The following GRIN2B variants were observed in gnomAD, a reference collection of about 807,000 sequenced individuals.
GRIN2B encodes glutamate ionotropic receptor NMDA type subunit 2B.
In GRIN2B, 5 loss-of-function variants were observed where a neutral mutation model predicts 114.5. That is an observed-to-expected ratio of 0.04 (90% CI 0.02 to 0.09). GRIN2B has a LOEUF of 0.09. Ranked by LOEUF, GRIN2B falls within the 10% of genes least tolerant of loss-of-function variation. The probability of loss-of-function intolerance (pLI) is 1.00; values close to 1 mark genes in which losing one functional copy is unlikely to be tolerated. For synonymous variants in GRIN2B, 787 were observed against 745.1 expected, an observed-to-expected ratio of 1.06 and a Z score of -0.92; for missense variants, 1,108 against 1,943.5, an observed-to-expected ratio of 0.57 and a Z score of 8.08.
At chr12:13,802,039 G>C (rs1428328413) in intron 3 of GRIN2B, among the ~76,000 whole-genome samples, 1 of 151,986 alleles carries the variant, frequency 6.6e-6, no homozygotes, top group Non-Finnish European at 1.5e-5. Context: ...TTCCGTGCTT[G>C]GGTGCTCAAG....
intron 3 of GRIN2B, among the ~76,000 whole-genome samples, chr12:13,829,969 G>C (rs1865117593): frequency 6.6e-6 from 1 of 152,186 alleles, no homozygotes; most frequent in African/African-American, 2.4e-5. Context: ...GTAGGGGTAG[G>C]AGGGGCTGGG....
chr12:13,860,809 C>T (rs1865740242), intron 3 of GRIN2B, among the ~76,000 whole-genome samples: 1 of 152,146 alleles, frequency 6.6e-6, no homozygotes, highest in African/African-American at 2.4e-5. Context: ...CTTTTCTTCC[C>T]CATTCTTGGA....
chr12:13,624,069 C>G (rs1949545524), intron 5 of GRIN2B, among the ~76,000 whole-genome samples: 1 of 152,164 alleles, frequency 6.6e-6, no homozygotes, highest in Non-Finnish European at 1.5e-5. Flanking sequence ...CCCTGATCAC[C>G]CCAGCCCAGA....
chr12:13,764,155 A>G (rs1250127683), intron 3 of GRIN2B, among the ~76,000 whole-genome samples: 3 of 151,506 alleles, frequency 2.0e-5, no homozygotes. Flanking sequence ...AGTCCTAGAA[A>G]AGAGCCTATC....
At chr12:13,937,549 A>T (rs970176919) in intron 2 of GRIN2B, among the ~76,000 whole-genome samples, 6 of 152,140 alleles carry the variant, frequency 3.9e-5, no homozygotes, top group Non-Finnish European at 7.4e-5. Context: ...ATTCTCCAAT[A>T]ATGAGAGAAA....
chr12:13,615,083 AT>A lies in GRIN2B; in HGVS notation c.1654+30del. 6.3e-7 allele frequency: 1 copy of A among 1,592,598 alleles called. No individual in the cohort carries two copies. Among genetic ancestry groups the A allele is most frequent in the Non-Finnish European group, 8.6e-7 (1 of 1,160,440 alleles). On this transcript the variant is annotated intron_variant, in intron 8 of 13. Transcript: ENST00000609686. The surrounding 1 kb of genome is among the most constrained non-coding windows in gnomAD (Gnocchi z 5.8). ...ATTTCACTTCCCCATCCATACGTCC[AT>A]TTCCTTCCACCAGCAAACCCATCAT...
In GRIN2B at chr12:13,736,275, T is replaced by TCTGGG. The variant is rs1863183156; in HGVS notation, c.1010+17037_1010+17041dup. Among the ~76,000 whole-genome samples the TCTGGG allele has an allele frequency of 2.6e-5, 4 of 152,048 alleles. No individual in the cohort carries two copies. In the South Asian group the frequency reaches 8.3e-4, roughly 32 times the overall value. On this transcript the variant is annotated intron_variant, in intron 4 of 13. Transcript: ENST00000609686. ...TATGGCAGCCAGTGCAGTCAGGCACTCTGGGCAGATTAACTATGGTGCCTC... is the reference window on the plus strand; with the variant it reads ...TATGGCAGCCAGTGCAGTCAGGCACTCTGGGCTGGGCAGATTAACTATGGTGCCTC...
intron 5 of GRIN2B, among the ~76,000 whole-genome samples, chr12:13,642,223 A>C (rs1489124495): frequency 2.6e-5 from 4 of 151,774 alleles, no homozygotes; most frequent in African/African-American, 9.7e-5. Context: ...CAAACAAACA[A>C]GCTAGCTAAC....
chr12:13,641,314 C>T (rs193058466), intron 5 of GRIN2B, among the ~76,000 whole-genome samples: 21 of 152,172 alleles, frequency 1.4e-4, no homozygotes, highest in Admixed American at 1.3e-3. Context: ...CTCAAGTGAT[C>T]CTCCCACTTC....
intron 3 of GRIN2B, among the ~76,000 whole-genome samples, chr12:13,778,115 T>G (rs1294158339): frequency 6.6e-6 from 1 of 152,204 alleles, no homozygotes; most frequent in African/African-American, 2.4e-5. Context: ...CCTATCTCCA[T>G]GGTTGTTCCA....
At chr12:13,689,641 C>T (rs539315793) in intron 4 of GRIN2B, among the ~76,000 whole-genome samples, 3 of 152,204 alleles carry the variant, frequency 2.0e-5, no homozygotes, top group South Asian at 2.1e-4. Context: ...TTAATCTTAC[C>T]GTGAGATTTC....
chr12:13,845,112 T>C (rs919236615), intron 3 of GRIN2B, among the ~76,000 whole-genome samples: 1 of 152,184 alleles, frequency 6.6e-6, no homozygotes, highest in African/African-American at 2.4e-5. Flanking sequence ...ATAAAAGAAC[T>C]ATCTATGGCC....
intron 2 of GRIN2B, among the ~76,000 whole-genome samples, chr12:13,894,267 G>T (rs1222535655): frequency 6.6e-6 from 1 of 152,070 alleles, no homozygotes; most frequent in African/African-American, 2.4e-5. Flanking sequence ...GGCAGAAAAA[G>T]CTTTATATAC....
rs189783302 is a variant in GRIN2B, at chr12:13,765,408, C to A, written c.412-11493G>T. Among the ~76,000 whole-genome samples, 47 of 152,312 alleles carry A rather than the reference C, an allele frequency of 3.1e-4. No individual in the cohort carries two copies. In the East Asian group the frequency reaches 7.9e-3, roughly 26 times the overall value. ...AAACCTGACTTTCAGAAATTCATCT[C>A]TTTGTCTGCCTTACGTCCATCGTGC... On this transcript the variant is annotated intron_variant, in intron 3 of 13. Coordinates refer to ENST00000609686, the MANE Select transcript of GRIN2B (RefSeq NM_000834.5).
chr12:13,877,014 C>T (rs979114436), intron 2 of GRIN2B, among the ~76,000 whole-genome samples: 19 of 152,194 alleles, frequency 1.2e-4, no homozygotes, highest in Admixed American at 3.9e-4. Context: ...ATACAATAAA[C>T]GCCAATATCA....
intron 2 of GRIN2B, among the ~76,000 whole-genome samples, chr12:13,901,860 C>T (rs1866458660): frequency 6.6e-6 from 1 of 152,104 alleles, no homozygotes. Context: ...TTACCTTTCA[C>T]ATTTATATCT....
chr12:13,751,314 G>A (rs1863480390), intron 4 of GRIN2B, among the ~76,000 whole-genome samples: 1 of 152,170 alleles, frequency 6.6e-6, no homozygotes, highest in Non-Finnish European at 1.5e-5. Flanking sequence ...TATTAAGCAA[G>A]AGAATGATGA....
chr12:13,572,026 T>C (rs963279680), intron 10 of GRIN2B, 62 bp from the exon 11 acceptor site: 15 of 1,337,540 alleles, frequency 1.1e-5, no homozygotes, highest in Non-Finnish European at 1.6e-5. Context: ...GAGAGAAAAG[T>C]CATTTTAGAA....
Position 13,540,922 on chromosome 12 carries a change from A to G in GRIN2B, c.*21861T>C, listed in dbSNP as rs1948269954. 1 of 152,252 alleles carries G rather than the reference A, an allele frequency of 6.6e-6. No individual in the cohort carries two copies. The allele number at this position is 152,252 out of a possible 1,614,324, so 9.4% of individuals were successfully genotyped here. A position where few individuals can be genotyped will look rare whatever the true frequency, so the allele number is the denominator to read the frequency against. On this transcript the variant is annotated 3_prime_UTR_variant, in exon 14 of 14. Transcript: ENST00000609686. Reference sequence around the variant, plus strand: ...AAGCTATGACCATTTCCCCTCTGCCATGTGACTTTGGGAGGGGTGCAGCTG... The same window carrying G: ...AAGCTATGACCATTTCCCCTCTGCCGTGTGACTTTGGGAGGGGTGCAGCTG...
Sources: allele counts gnomAD v4.1 joint callset (sites outside exome capture counted in the v4.1 genomes callset), GRCh38; gene constraint gnomAD v4.1.1; non-coding constraint Gnocchi (gnomAD v3.1); transcripts MANE v1.5; gene names NCBI Gene and HGNC (gene_info 2026-07-23, HGNC 2026-07-21).